The following GSDMC variants were observed in gnomAD, a reference collection of about 807,000 sequenced individuals.
GSDMC encodes gasdermin-C.
GSDMC carries 59 observed loss-of-function variants against 58.0 expected under a neutral mutation model. That is an observed-to-expected ratio of 1.02 (90% confidence interval 0.82 to 1.26). The LOEUF is 1.26. Ranked by LOEUF, GSDMC falls within the 50% of genes most tolerant of loss-of-function variation. GSDMC has a pLI of 0.00. For synonymous variants in GSDMC, 241 were observed against 220.2 expected (o/e 1.09, Z -0.83); for missense variants, 659 against 598.5 (o/e 1.10, Z -1.06).
Position 129,752,718 on chromosome 8 carries a change from T to C in GSDMC, c.824A>G (p.Asn275Ser). ...AGTACCTGGTTTTAACTTCATATCA[T>C]TGGATGAGGCATTGAAGAGGGTTGG... Reference protein sequence around the residue: ...ISPTLFNASSNDMKLKPELFL... With the variant: ...ISPTLFNASSSDMKLKPELFL... The change falls in exon 7 of 14, where the codon AAT becomes AGT. Residue 275 changes from asparagine to serine, a missense_variant. Transcript: ENST00000276708. 1 of 1,614,204 alleles carries C rather than the reference T, an allele frequency of 6.2e-7. No homozygotes were observed. The highest frequency in any genetic ancestry group is 8.5e-7 in the Non-Finnish European group (1 of 1,180,028).
chr8:129,715,913 A>C, the GSDMC span, among the ~76,000 whole-genome samples: 1 of 152,204 alleles, frequency 6.6e-6, no homozygotes, highest in Non-Finnish European at 1.5e-5. Context: ...TAAGGTTGTA[A>C]GGAGAAAAAT....
the GSDMC span, among the ~76,000 whole-genome samples, chr8:129,714,342 A>G: frequency 1.3e-5 from 2 of 152,224 alleles, no homozygotes; most frequent in African/African-American, 4.8e-5. Flanking sequence ...TCTTTATTCA[A>G]TGAGTAAAAA....
At chr8:129,776,928 A>AC in intron 2 of GSDMC, among the ~76,000 whole-genome samples, 1 of 147,136 alleles carries the variant, frequency 6.8e-6, no homozygotes, top group African/African-American at 2.5e-5. Flanking sequence ...TGCCTGGATA[A>AC]TTTTTTTTTT....
the GSDMC span, chr8:129,707,073 A>G: frequency 6.6e-6 from 1 of 152,214 alleles, no homozygotes; most frequent in African/African-American, 2.4e-5. Flanking sequence ...ACGGCACTGT[A>G]AGCTTCTCCA....
intron 1 of GSDMC, among the ~76,000 whole-genome samples, chr8:129,780,528 A>G (rs965547084): frequency 6.6e-6 from 1 of 152,186 alleles, no homozygotes; most frequent in African/African-American, 2.4e-5. Context: ...TTTACCCTAG[A>G]ATAATATATC....
intron 6 of GSDMC, among the ~76,000 whole-genome samples, chr8:129,753,925 G>T (rs891867703): frequency 6.6e-6 from 1 of 152,176 alleles, no homozygotes; most frequent in African/African-American, 2.4e-5. Context: ...GTGAAAAGGG[G>T]AGGGAAGAGT....
At chr8:129,755,503 A>C (rs2033392464) in intron 6 of GSDMC, among the ~76,000 whole-genome samples, 1 of 152,160 alleles carries the variant, frequency 6.6e-6, no homozygotes, top group Non-Finnish European at 1.5e-5. Context: ...AAAGGACATT[A>C]ATGAGCAAGA....
At chr8:129,753,471 T>C (rs565500160) in intron 6 of GSDMC, among the ~76,000 whole-genome samples, 78 of 152,114 alleles carry the variant, frequency 5.1e-4, no homozygotes, top group Admixed American at 1.4e-3. Context: ...TACAGAACCA[T>C]TGGGCCCTAA....
chr8:129,751,812 T>C (rs777810123), intron 9 of GSDMC, 50 bp downstream of exon 9: 5 of 1,565,142 alleles, frequency 3.2e-6, no homozygotes, highest in Non-Finnish European at 4.4e-6. Flanking sequence ...ACTTACCCCA[T>C]GTGTGCAGGA....
intron 8 of GSDMC, 103 bp from the exon 9 acceptor site, chr8:129,751,994 C>A (rs991367253): frequency 6.2e-6 from 9 of 1,454,072 alleles, no homozygotes; most frequent in Non-Finnish European, 8.7e-6. Context: ...TCTGTTCCTG[C>A]CCTTTTCCCC....
At chr8:129,741,989 C>T in the GSDMC span, among the ~76,000 whole-genome samples, 5 of 145,700 alleles carry the variant, frequency 3.4e-5, no homozygotes, top group Admixed American at 7.0e-5. Context: ...TCATTTGTGA[C>T]AACACAGATG....
chr8:129,774,370 T>C (rs886113650), intron 3 of GSDMC, among the ~76,000 whole-genome samples: 1 of 151,914 alleles, frequency 6.6e-6, no homozygotes, highest in African/African-American at 2.4e-5. Context: ...TGAAACTAGG[T>C]CCTTACTTTA....
At chr8:129,773,615 T>A (rs2034129203) in intron 3 of GSDMC, among the ~76,000 whole-genome samples, 1 of 151,778 alleles carries the variant, frequency 6.6e-6, no homozygotes, top group Non-Finnish European at 1.5e-5. Context: ...CAAAACCCCA[T>A]CTCTACTAAA....
At chr8:129,748,796 G>C in intron 13 of GSDMC, 56 bp from the exon 14 acceptor site, 1 of 1,425,460 alleles carries the variant, frequency 7.0e-7, no homozygotes, top group Non-Finnish European at 9.3e-7. Flanking sequence ...GGAAGAGAAG[G>C]CTTCTGCCCC....
In GSDMC at chr8:129,777,576, C is replaced by T. The variant is rs1013729334; in HGVS notation, c.12G>A (p.Met4Ile). Residue 4 changes from methionine (M) to isoleucine (I), a missense_variant, in exon 2 of 14, where the codon ATG becomes ATA. Physicochemically the swap from Met to Ile is conservative, Grantham distance 10 (BLOSUM62 1). Transcript: ENST00000276708. ...CCAAATTTTTGCTAATGCGTTCCAA[C>T]ATGGAGGGCATGTTGCTAGGAGGAG... The part of the protein sequence containing the change: MPS[M>I]LERISKNLVK... The T allele has an allele frequency of 1.3e-6, 2 of 1,584,574 alleles. No individual in the cohort carries two copies. The highest frequency in any genetic ancestry group is 1.1e-5 in the South Asian group (1 of 90,588).
At chr8:129,764,059 TA>T (rs1261805520) in intron 4 of GSDMC, among the ~76,000 whole-genome samples, 2 of 152,234 alleles carry the variant, frequency 1.3e-5, no homozygotes, top group African/African-American at 4.8e-5. Flanking sequence ...TCCATGAAAA[TA>T]AAATATTATC....
At chr8:129,717,186 G>A in the GSDMC span, among the ~76,000 whole-genome samples, 5 of 151,366 alleles carry the variant, frequency 3.3e-5, no homozygotes, top group Middle Eastern at 3.5e-3. Context: ...AGTTTCAGAA[G>A]GAATGGTACC....
Position 129,750,091 on chromosome 8 carries a change from T to A in GSDMC, c.1112A>T (p.Asp371Val). Residue 371 changes from aspartate to valine, a missense_variant, in exon 12 of 14, where the codon GAT (aspartate) becomes GTT (valine). Transcript: ENST00000276708. ...CTTTAGGATGGCACCACCAGGGCCA[T>A]CCAAATGACCTGAGCTGTCCAATTC... ...MLELDSSGHL[D>V]GPGGAILKKL... The A allele has an allele frequency of 6.9e-6, 11 of 1,597,366 alleles. No homozygotes were observed. Among genetic ancestry groups the A allele is most frequent in the Non-Finnish European group, 8.5e-6 (10 of 1,173,956 alleles).
chr8:129,779,644 A>T (rs561215176), intron 1 of GSDMC, among the ~76,000 whole-genome samples: 12 of 147,390 alleles, frequency 8.1e-5, no homozygotes, highest in South Asian at 6.2e-4. Flanking sequence ...ATATATAATT[A>T]AAAAAAAGAA....
Sources: gnomAD v4.1 joint callset for allele counts (sites outside exome capture counted in the v4.1 genomes callset) on GRCh38, gnomAD v4.1.1 for gene constraint, MANE v1.5 for transcripts, NCBI Gene and HGNC (gene_info 2026-07-23, HGNC 2026-07-21) for gene names.